Variants in RIMS1 observed in about 807,000 individuals in gnomAD.
RIMS1 encodes the protein regulating synaptic membrane exocytosis protein 1.
RIMS1 carries 83 observed loss-of-function variants against 214.1 expected under a neutral mutation model. That is an observed-to-expected ratio of 0.39 (90% CI 0.32 to 0.47). RIMS1 has a LOEUF of 0.47. Among genes scored for constraint, RIMS1 ranks in the 20% least tolerant of loss-of-function variants. The pLI, the probability that RIMS1 is intolerant of heterozygous loss-of-function variation, is 0.99. For synonymous variants in RIMS1, 793 were observed against 786.8 expected (o/e 1.01, Z -0.13); for missense variants, 2,050 against 2,161.8 (o/e 0.95, Z 1.03).
intron 1 of RIMS1, among the ~76,000 whole-genome samples, chr6:71,921,898 G>A (rs1442778578): frequency 6.6e-6 from 1 of 152,062 alleles, no homozygotes; most frequent in Admixed American, 6.6e-5. Context: ...TTCTTTACCA[G>A]CACTTATCTC....
chr6:72,155,556 T>C (rs142465286), intron 4 of RIMS1, among the ~76,000 whole-genome samples: 2 of 141,410 alleles, frequency 1.4e-5, no homozygotes, highest in East Asian at 4.0e-4. Flanking sequence ...GGAGGTTTAA[T>C]TGGACTTACA....
chr6:72,351,480 T>C (rs1271317435), intron 29 of RIMS1, among the ~76,000 whole-genome samples: 1 of 152,186 alleles, frequency 6.6e-6, no homozygotes, highest in Non-Finnish European at 1.5e-5. Flanking sequence ...ATAATGTGTA[T>C]TGTCACATTT....
At chr6:72,038,967 A>G (rs1820676782) in intron 2 of RIMS1, among the ~76,000 whole-genome samples, 1 of 152,134 alleles carries the variant, frequency 6.6e-6, no homozygotes, top group African/African-American at 2.4e-5. Context: ...TTTACGGTTT[A>G]TAACTTGAAA....
At chr6:71,987,974 G>A (rs1800515471) in intron 2 of RIMS1, among the ~76,000 whole-genome samples, 1 of 152,078 alleles carries the variant, frequency 6.6e-6, no homozygotes, top group Non-Finnish European at 1.5e-5. Context: ...TGTTACTCAA[G>A]GAGTTTCTAA....
chr6:71,957,598 A>G (rs1791656701), intron 1 of RIMS1, among the ~76,000 whole-genome samples: 1 of 150,470 alleles, frequency 6.6e-6, no homozygotes, highest in Admixed American at 6.6e-5. Context: ...AAGTACATGC[A>G]AAGTAAATAC....
intron 6 of RIMS1, among the ~76,000 whole-genome samples, chr6:72,190,449 G>A (rs1312098621): frequency 1.6e-5 from 2 of 122,082 alleles, no homozygotes; most frequent in South Asian, 3.0e-4. Flanking sequence ...GGCAACAAGA[G>A]TAAAACTCTG....
chr6:72,226,165 T>G (rs2060121025), intron 6 of RIMS1, among the ~76,000 whole-genome samples: 2 of 152,088 alleles, frequency 1.3e-5, no homozygotes. Flanking sequence ...GTGTTTGTTG[T>G]TCAAGTTTTC....
intron 6 of RIMS1, 84 bp downstream of exon 6, chr6:72,183,233 G>A: frequency 7.2e-7 from 1 of 1,393,276 alleles, no homozygotes; most frequent in Non-Finnish European, 9.8e-7. Flanking sequence ...CTAGTTGCTG[G>A]GTTCAGCATT....
chr6:72,271,939 C>G (rs1263193334), intron 22 of RIMS1, among the ~76,000 whole-genome samples: 2 of 152,150 alleles, frequency 1.3e-5, no homozygotes, highest in Non-Finnish European at 2.9e-5. Flanking sequence ...CCAGAGTGAT[C>G]TTTCTTCTTT....
At chr6:72,168,173 T>C (rs1053927482) in intron 4 of RIMS1, among the ~76,000 whole-genome samples, 5 of 152,086 alleles carry the variant, frequency 3.3e-5, no homozygotes, top group Non-Finnish European at 7.4e-5. Context: ...TGATGAAAGA[T>C]TGGGGAAAGG....
At position 72,280,024 on chromosome 6, in the gene RIMS1, G is replaced by A. The variant is rs376337388; in HGVS notation, c.3483-4023G>A. Among the ~76,000 whole-genome samples the A allele has an allele frequency of 4.0e-4, 61 of 151,734 alleles. 1 individual carries two copies. Among genetic ancestry groups the A allele is most frequent in the African/African-American group, 1.5e-3 (61 of 41,434 alleles). On this transcript the variant is annotated intron_variant, in intron 23 of 33. Transcript: ENST00000521978. ...TTAAGTATTTTATATTTTGCTGAAGGCCAGAAAATTATGCAGTTTTATTTT... is the reference window on the plus strand; with the variant it reads ...TTAAGTATTTTATATTTTGCTGAAGACCAGAAAATTATGCAGTTTTATTTT...
At chr6:72,246,154 C>T (rs936377948) in intron 11 of RIMS1, among the ~76,000 whole-genome samples, 1 of 152,068 alleles carries the variant, frequency 6.6e-6, no homozygotes, top group Non-Finnish European at 1.5e-5. Context: ...AGGAATAGTT[C>T]TAGTTACATT....
chr6:72,101,313 T>C (rs2033525084), intron 4 of RIMS1, among the ~76,000 whole-genome samples: 1 of 151,982 alleles, frequency 6.6e-6, no homozygotes, highest in Non-Finnish European at 1.5e-5. Context: ...ATATAATCAC[T>C]TTCAATTATT....
Position 72,186,779 on chromosome 6 carries a change from A to ACCC in RIMS1, c.1678+3637_1678+3639dup, listed in dbSNP as rs11382729. Among the ~76,000 whole-genome samples the ACCC allele has an allele frequency of 3.7e-3, 543 of 148,390 alleles. 1 individual carries two copies. The highest frequency in any genetic ancestry group is 6.9e-3 in the Middle Eastern group (2 of 288). On this transcript the variant is annotated intron_variant, in intron 6 of 33. Coordinates refer to ENST00000521978, the MANE Select transcript of RIMS1 (RefSeq NM_014989.7). ...ATGTCCGAACTGCATGTATATATGT[A>ACCC]CCCCCCCCCATATATATGTGTCCGA...
chr6:72,373,040 C>G (rs1228440446), intron 29 of RIMS1, among the ~76,000 whole-genome samples: 3 of 152,178 alleles, frequency 2.0e-5, no homozygotes, highest in Admixed American at 6.5e-5. Context: ...AAAATTAAGG[C>G]TCTAATTTTC....
rs573666453 is a variant in RIMS1, at chr6:72,392,197, A to G, written c.4506-501A>G. Among the ~76,000 whole-genome samples, 7 of 152,346 alleles carry G rather than the reference A, an allele frequency of 4.6e-5. No homozygotes were observed. The South Asian group carries it at 1.2e-3, about 27-fold the overall frequency. On this transcript the variant is annotated intron_variant, in intron 30 of 33. Coordinates refer to ENST00000521978, the MANE Select transcript of RIMS1 (RefSeq NM_014989.7). ...TATAGGAAGAAATACAGATTTTTTA[A>G]CCAATTAATTTCCATTGGAACCAAA...
intron 4 of RIMS1, among the ~76,000 whole-genome samples, chr6:72,119,914 T>C (rs1186172741): frequency 1.3e-5 from 2 of 151,830 alleles, no homozygotes. Flanking sequence ...TTTGGCTTTC[T>C]GTCCTTGTGA....
At chr6:72,311,854 C>T (rs2095529103) in intron 27 of RIMS1, among the ~76,000 whole-genome samples, 1 of 152,034 alleles carries the variant, frequency 6.6e-6, no homozygotes, top group Admixed American at 6.6e-5. Context: ...GCCTGTAGTC[C>T]CAGCTACTTG....
chr6:72,042,447 G>A (rs1277224647), intron 2 of RIMS1, among the ~76,000 whole-genome samples: 2 of 151,818 alleles, frequency 1.3e-5, no homozygotes, highest in Non-Finnish European at 2.9e-5. Flanking sequence ...TTATTTCCAT[G>A]TTTAATCAGG....
Sources: gnomAD v4.1 joint callset for allele counts (sites outside exome capture counted in the v4.1 genomes callset) on GRCh38, gnomAD v4.1.1 for gene constraint, MANE v1.5 for transcripts, NCBI Gene and HGNC (gene_info 2026-07-23, HGNC 2026-07-21) for gene names.